NEK6: variants seen among roughly 807,000 people sequenced by gnomAD.
The protein encoded by NEK6 is serine/threonine-protein kinase Nek6.
NEK6 carries 27 observed loss-of-function variants against 43.5 expected under a neutral mutation model. The observed-to-expected ratio is 0.62, with a 90% CI of 0.46 to 0.86. The LOEUF (loss-of-function observed/expected upper bound fraction) is 0.86. Among genes scored for constraint, NEK6 ranks in the 40% least tolerant of loss-of-function variants. The pLI, the probability that NEK6 is intolerant of heterozygous loss-of-function variation, is 0.00. For synonymous variants in NEK6, 167 were observed against 164.1 expected (o/e 1.02, Z -0.14); for missense variants, 318 against 414.4 (o/e 0.77, Z 2.02).
At chr9:124,258,812 C>G (rs921185879) in intron 1 of NEK6, among the ~76,000 whole-genome samples, 4 of 152,254 alleles carry the variant, frequency 2.6e-5, no homozygotes, top group African/African-American at 9.6e-5. Context: ...CAGGCTGCGG[C>G]AGGGCCACTG....
At chr9:124,307,439 G>C (rs1021829206) in intron 2 of NEK6, among the ~76,000 whole-genome samples, 1 of 152,198 alleles carries the variant, frequency 6.6e-6, no homozygotes, top group Non-Finnish European at 1.5e-5. Context: ...CCAGTTTCCT[G>C]CTGCTCCCCA....
chr9:124,292,367 G>C, intron 1 of NEK6: 1 of 1,508,508 alleles, frequency 6.6e-7, no homozygotes, highest in Non-Finnish European at 8.8e-7. Flanking sequence ...GGCTTGGCCA[G>C]AACTTCTGAG....
rs549737674 is a variant in NEK6, at chr9:124,260,455, G to A, written c.-30+2370G>A. Among the ~76,000 whole-genome samples the A allele has an allele frequency of 7.2e-5, 11 of 152,174 alleles. No homozygotes were observed. The South Asian group carries it at 1.7e-3, about 23-fold the overall frequency. On this transcript the variant is annotated intron_variant, in intron 1 of 9. Transcript: ENST00000320246. ...GTTGCCCAGGCTGGAGTACAGTGGC[G>A]CAATCTCAGCTCCCTGCACCCTCTG... is the stretch of plus-strand genomic sequence containing the variant.
chr9:124,281,304 G>A (rs763938612), intron 1 of NEK6, among the ~76,000 whole-genome samples: 41 of 152,166 alleles, frequency 2.7e-4, no homozygotes, highest in South Asian at 4.2e-4. Context: ...GGAGGAGGCC[G>A]GCCATGCTTC....
intron 1 of NEK6, among the ~76,000 whole-genome samples, chr9:124,274,037 G>T (rs1831557709): frequency 6.6e-6 from 1 of 152,236 alleles, no homozygotes; most frequent in Non-Finnish European, 1.5e-5. Flanking sequence ...TCACTTCTGT[G>T]GGATGAGATG....
chr9:124,290,041 G>A (rs1472419270), intron 1 of NEK6, among the ~76,000 whole-genome samples: 3 of 152,252 alleles, frequency 2.0e-5, no homozygotes, highest in Admixed American at 1.3e-4. Context: ...ACAGGAAGGT[G>A]CAGGGGTTGC....
At chr9:124,305,560 AAAAAAAAAAG>A (rs1833212510) in intron 2 of NEK6, among the ~76,000 whole-genome samples, 1 of 151,898 alleles carries the variant, frequency 6.6e-6, no homozygotes, top group Non-Finnish European at 1.5e-5. Context: ...TCTCAAAAAA[AAAAAAAAAAG>A]AAAAAGAAAA....
intron 1 of NEK6, among the ~76,000 whole-genome samples, chr9:124,284,335 G>A (rs2416929): frequency 0.083 from 12,654 of 152,284 alleles, 855 homozygotes; most frequent in East Asian, 0.35. Flanking sequence ...GGCGAAGACC[G>A]AGACTCCGTC....
chr9:124,300,190 T>C (rs1832890143), intron 1 of NEK6: 1 of 152,010 alleles, frequency 6.6e-6, no homozygotes, highest in South Asian at 2.1e-4. Context: ...TCCTTTGACA[T>C]GTCAAAGGGT....
At chr9:124,328,495 A>G (rs1828789943) in intron 7 of NEK6, among the ~76,000 whole-genome samples, 1 of 152,026 alleles carries the variant, frequency 6.6e-6, no homozygotes, top group Non-Finnish European at 1.5e-5. Context: ...CCGCTTCCCC[A>G]GGAGGGGGCT....
rs562548823 is a variant in NEK6 at position 124,350,250 on chromosome 9, T to A, written c.832-587T>A. Among the ~76,000 whole-genome samples, 30 of 152,312 alleles carry A rather than the reference T, an allele frequency of 2.0e-4. No homozygotes were observed. In the South Asian group the frequency reaches 5.6e-3, roughly 28 times the overall value. On this transcript the variant is annotated intron_variant, in intron 9 of 9. Coordinates refer to ENST00000320246, the MANE Select transcript of NEK6 (RefSeq NM_014397.6). ...TTTAAGGTCATTATTTTAATTACCATTAAAATAATTGGCACTCCGGCTATC... is the reference window on the plus strand; with the variant it reads ...TTTAAGGTCATTATTTTAATTACCAATAAAATAATTGGCACTCCGGCTATC...
chr9:124,331,255 G>C (rs1564653607), intron 7 of NEK6, among the ~76,000 whole-genome samples: 1 of 41,940 alleles, frequency 2.4e-5, no homozygotes, highest in Non-Finnish European at 5.1e-5. Flanking sequence ...GAGCGACTCT[G>C]TCTCAAAAAA....
intron 6 of NEK6, among the ~76,000 whole-genome samples, chr9:124,327,080 G>A (rs1834377114): frequency 6.6e-6 from 1 of 152,170 alleles, no homozygotes; most frequent in South Asian, 2.1e-4. Context: ...CAGGAAACAG[G>A]AGCACAGAAA....
At chr9:124,266,749 G>A (rs994281433) in intron 1 of NEK6, among the ~76,000 whole-genome samples, 4 of 152,232 alleles carry the variant, frequency 2.6e-5, no homozygotes, top group African/African-American at 9.6e-5. Context: ...TTTTAAGTAG[G>A]CACGCGGCCG....
rs147527496 is a variant in NEK6, at chr9:124,276,898, C to A, written c.-30+18813C>A. Among the ~76,000 whole-genome samples the A allele has an allele frequency of 5.9e-5, 9 of 152,318 alleles. No homozygotes were observed. The East Asian group carries it at 1.7e-3, about 29-fold the overall frequency. On this transcript the variant is annotated intron_variant, in intron 1 of 9. Coordinates refer to ENST00000320246, the MANE Select transcript of NEK6 (RefSeq NM_014397.6). ...AGCTGACGTGGTGGAGGACAGACAT[C>A]ACCTGGGCTTGGGCTTGATGGGTCA...
rs767414917 is a variant in NEK6, at chr9:124,339,595, C to T, written c.647C>T (p.Pro216Leu). The change falls in exon 8 of 10, where the codon CCG (proline) becomes CTG (leucine). Residue 216 changes from proline to leucine, a missense_variant. By Grantham distance (98) the Pro-to-Leu change is moderately conservative. This residue lies in a region of NEK6 where 239 missense variants were observed against 344.4 expected (regional missense o/e 0.69). Transcript: ENST00000320246. ...SLVGTPYYMS[P>L]ERIHENGYNF... is the part of the protein sequence containing the mutation. ...GTGGGGACGCCCTACTACATGTCAC[C>T]GGAGAGGATCCATGAGAACGGCTAC... The T allele has an allele frequency of 2.5e-6, 4 of 1,613,924 alleles. No homozygotes were observed. The highest frequency in any genetic ancestry group is 1.7e-5 in the Admixed American group (1 of 60,012).
At chr9:124,292,573 C>T in intron 1 of NEK6, 1 of 1,536,574 alleles carries the variant, frequency 6.5e-7, no homozygotes. Flanking sequence ...GCCCTCCAGC[C>T]CCCGGGGCTG....
At chr9:124,278,973 A>G (rs962529877) in intron 1 of NEK6, among the ~76,000 whole-genome samples, 5 of 152,284 alleles carry the variant, frequency 3.3e-5, no homozygotes, top group African/African-American at 1.2e-4. Context: ...TCTCATCTTC[A>G]GTAGATCTCT....
chr9:124,327,406 C>A lies in NEK6; in HGVS notation c.583C>A (p.Arg195Ser), dbSNP rs768356782. The change falls in exon 7 of 10, where the codon CGC becomes AGC. Residue 195 changes from arginine (R) to serine (S), a missense_variant. By Grantham distance (110) the Arg-to-Ser change is moderately radical (BLOSUM62 -1). Around this residue, in one of 2 missense-constraint regions of NEK6, gnomAD observed 239 missense variants for 344.4 expected, o/e 0.69. Coordinates refer to ENST00000320246, the MANE Select transcript of NEK6 (RefSeq NM_014397.6). ...VVKLGDLGLG[R>S]FFSSETTAAH... ...GAAGCTCGGTGACCTTGGTCTGGGC[C>A]GCTTCTTCAGCTCTGAGACCACCGC... 1.2e-6 allele frequency: 2 copies of A among 1,613,590 alleles called. No homozygotes were observed. The highest frequency in any genetic ancestry group is 1.7e-5 in the Admixed American group (1 of 60,014).
Sources: gnomAD v4.1 joint callset for allele counts (sites outside exome capture counted in the v4.1 genomes callset) on GRCh38, gnomAD v4.1.1 for gene constraint, gnomAD v4.1.1 regional missense constraint, MANE v1.5 for transcripts, NCBI Gene and HGNC (gene_info 2026-07-23, HGNC 2026-07-21) for gene names.